Variants in MLLT3 observed in about 807,000 individuals in gnomAD.
MLLT3 encodes MLLT3 super elongation complex subunit.
A neutral mutation model predicts 53.2 loss-of-function variants in MLLT3; 4 were observed. The observed-to-expected ratio is 0.08, with a 90% CI of 0.04 to 0.17. The LOEUF is 0.17. MLLT3 is among the 10% of genes least tolerant of loss of function. The probability of loss-of-function intolerance (pLI) is 1.00; values close to 1 mark genes in which losing one functional copy is unlikely to be tolerated. For synonymous variants in MLLT3, 283 were observed against 230.6 expected, an observed-to-expected ratio of 1.23 and a Z score of -2.06; for missense variants, 569 against 684.0, an observed-to-expected ratio of 0.83 and a Z score of 1.87.
At chr9:20,425,126 C>T (rs989291573) in intron 4 of MLLT3, among the ~76,000 whole-genome samples, 5 of 152,078 alleles carry the variant, frequency 3.3e-5, no homozygotes, top group African/African-American at 1.2e-4. Flanking sequence ...GGGACATTGT[C>T]CATAGTTGGT....
chr9:20,434,838 G>A (rs1025425968), intron 4 of MLLT3, among the ~76,000 whole-genome samples: 10 of 151,860 alleles, frequency 6.6e-5, no homozygotes, highest in African/African-American at 1.2e-4. Context: ...ATATTGTCTC[G>A]GTTGCAGAAA....
intron 2 of MLLT3, among the ~76,000 whole-genome samples, chr9:20,463,757 G>A (rs929022408): frequency 6.6e-6 from 1 of 151,936 alleles, no homozygotes; most frequent in East Asian, 1.9e-4. Context: ...TAATACAAAT[G>A]GAAAAATCTT....
At chr9:20,610,091 C>G (rs1820663805) in intron 2 of MLLT3, among the ~76,000 whole-genome samples, 1 of 152,056 alleles carries the variant, frequency 6.6e-6, no homozygotes, top group African/African-American at 2.4e-5. Flanking sequence ...TGCAAAAGCC[C>G]ACACAGCTTA....
At chr9:20,352,852 C>T (rs375770537) in intron 10 of MLLT3, among the ~76,000 whole-genome samples, 1 of 151,206 alleles carries the variant, frequency 6.6e-6, no homozygotes, top group East Asian at 1.9e-4. Flanking sequence ...TTAGAACACA[C>T]ATTCTTCTCT....
intron 2 of MLLT3, among the ~76,000 whole-genome samples, chr9:20,477,430 C>T (rs1437397314): frequency 2.0e-5 from 3 of 152,106 alleles, no homozygotes; most frequent in African/African-American, 7.2e-5. Flanking sequence ...CAGCCTCTCT[C>T]ACATCCCCAA....
At chr9:20,586,951 A>G (rs1405083086) in intron 2 of MLLT3, among the ~76,000 whole-genome samples, 2 of 152,294 alleles carry the variant, frequency 1.3e-5, no homozygotes. Flanking sequence ...CTGTTTTTAA[A>G]ACAAAAGCAT....
chr9:20,512,434 G>A (rs1273571659), intron 2 of MLLT3, among the ~76,000 whole-genome samples: 1 of 152,192 alleles, frequency 6.6e-6, no homozygotes, highest in African/African-American at 2.4e-5. Context: ...ACCTTTGGAA[G>A]TGCAAATTCT....
intron 5 of MLLT3, among the ~76,000 whole-genome samples, chr9:20,405,170 C>T (rs754109509): frequency 1.3e-5 from 2 of 152,152 alleles, no homozygotes; most frequent in African/African-American, 4.8e-5. Context: ...TAAGGTACCA[C>T]AGCTTTTCAG....
intron 2 of MLLT3, among the ~76,000 whole-genome samples, chr9:20,468,260 A>C (rs1484826645): frequency 2.0e-5 from 3 of 152,222 alleles, no homozygotes; most frequent in East Asian, 1.9e-4. Flanking sequence ...TTCTTCCCCC[A>C]AACAGTGAAA....
Position 20,620,952 on chromosome 9 carries a change from G to T in MLLT3, c.13-118C>A. 1 of 1,162,158 alleles carries T rather than the reference G, an allele frequency of 8.6e-7. No individual in the cohort carries two copies. Among genetic ancestry groups the T allele is most frequent in the Non-Finnish European group, 1.3e-6 (1 of 799,068 alleles). 72.0% of individuals were successfully genotyped at this position (1,162,158 alleles called of 1,614,324 possible). A position where few individuals can be genotyped will look rare whatever the true frequency, so the allele number is the denominator to read the frequency against. On this transcript the variant is annotated intron_variant, in intron 1 of 10. Transcript: ENST00000380338. This position sits in a 1 kb window ranked among gnomAD's most constrained non-coding sequence, Gnocchi z 6.1. ...GAAACGCACATAAAAGGAAACGGCG[G>T]TGCCCTCTGCATCCACGTTTCACGC...
intron 2 of MLLT3, among the ~76,000 whole-genome samples, chr9:20,555,427 G>A (rs771783779): frequency 8.5e-5 from 13 of 152,174 alleles, no homozygotes; most frequent in Middle Eastern, 3.4e-3. Flanking sequence ...GATTACAGGC[G>A]TGAGCCACCA....
intron 2 of MLLT3, among the ~76,000 whole-genome samples, chr9:20,547,486 T>C (rs1258413782): frequency 6.6e-6 from 1 of 150,944 alleles, no homozygotes; most frequent in Non-Finnish European, 1.5e-5. Context: ...TCTATTAAAA[T>C]ACAAAAAAAT....
intron 8 of MLLT3, among the ~76,000 whole-genome samples, chr9:20,358,865 A>G (rs184341502): frequency 3.9e-4 from 59 of 152,258 alleles, no homozygotes; most frequent in Non-Finnish European, 4.7e-4. Flanking sequence ...TTGGATTTAA[A>G]AATATCATCG....
intron 2 of MLLT3, among the ~76,000 whole-genome samples, chr9:20,569,317 A>T (rs1266192047): frequency 6.6e-6 from 1 of 152,278 alleles, no homozygotes; most frequent in East Asian, 1.9e-4. Flanking sequence ...TGCTCCAGAT[A>T]CCTGCTAGTA....
At chr9:20,618,674 C>G (rs145663284) in intron 2 of MLLT3, among the ~76,000 whole-genome samples, 17 of 152,332 alleles carry the variant, frequency 1.1e-4, no homozygotes, top group South Asian at 6.2e-4. Context: ...TCACTGCTAT[C>G]AAGCAGCTTA....
In MLLT3 at chr9:20,345,517, C is replaced by A; in HGVS notation, c.*926G>T. On this transcript the variant is annotated 3_prime_UTR_variant, in exon 11 of 11. Transcript: ENST00000380338. ...AATTCTTTTTTTTTAAATGATGATC[C>A]TGTGGAATGCCTTTACTTCCATATT... The A allele has an allele frequency of 5.0e-6, 1 of 200,826 alleles. No individual in the cohort carries two copies. The highest frequency in any genetic ancestry group is 1.0e-5 in the Non-Finnish European group (1 of 97,802). 12.4% of individuals were successfully genotyped at this position (200,826 alleles called of 1,614,324 possible). A position where few individuals can be genotyped will look rare whatever the true frequency, so the allele number is the denominator to read the frequency against.
chr9:20,556,905 C>T (rs1020191635), intron 2 of MLLT3, among the ~76,000 whole-genome samples: 6 of 151,942 alleles, frequency 3.9e-5, no homozygotes, highest in Non-Finnish European at 5.9e-5. Context: ...CCCCAAATTA[C>T]GTATTTTGAA....
rs554621510 is a variant in MLLT3, at chr9:20,342,556, C to T, written c.*3887G>A. 4.5e-6 allele frequency: 1 copy of T among 221,894 alleles called. No homozygotes were observed. The highest frequency in any genetic ancestry group is 2.2e-5 in the African/African-American group (1 of 44,774). The allele number at this position is 221,894 out of a possible 1,614,324, so 13.7% of individuals were successfully genotyped here. On this transcript the variant is annotated 3_prime_UTR_variant, in exon 11 of 11. Transcript: ENST00000380338. The stretch of plus-strand genomic sequence containing the variant: ...ATACTGGAGTACAAGTGCCAAAATA[C>T]ACATTTACAGTTTACAGACAGCGGT...
At chr9:20,406,735 T>C (rs1822586969) in intron 5 of MLLT3, among the ~76,000 whole-genome samples, 1 of 152,246 alleles carries the variant, frequency 6.6e-6, no homozygotes, top group African/African-American at 2.4e-5. Context: ...AGATTCTGAA[T>C]ATTTCTTCCT....
Sources: allele counts gnomAD v4.1 joint callset (sites outside exome capture counted in the v4.1 genomes callset), GRCh38; gene constraint gnomAD v4.1.1; non-coding constraint Gnocchi (gnomAD v3.1); transcripts MANE v1.5; gene names NCBI Gene and HGNC (gene_info 2026-07-23, HGNC 2026-07-21).